DTNA: variants seen among roughly 807,000 people sequenced by gnomAD.
DTNA encodes dystrophin-related protein 3.
In DTNA, 43 loss-of-function variants were observed where a neutral mutation model predicts 100.7. The ratio of observed to expected loss-of-function variants is 0.43; its 90% CI spans 0.33 to 0.55. DTNA has a LOEUF of 0.55. Among genes scored for constraint, DTNA ranks in the 20% least tolerant of loss-of-function variants. DTNA has a pLI of 0.04. For missense variants in DTNA, 798 were observed against 953.9 expected, an observed-to-expected ratio of 0.84 and a Z score of 2.15; for synonymous variants, 349 against 347.9, an observed-to-expected ratio of 1.00 and a Z score of -0.04.
In DTNA at chr18:34,753,427, G is replaced by A. The variant is rs529859242; in HGVS notation, c.-1-2549G>A. On this transcript the variant is annotated intron_variant, in intron 1 of 22. Coordinates refer to ENST00000444659, the MANE Select transcript of DTNA (RefSeq NM_001386795.1). ...AGACGGAGTCTCGCTCTGTCGCCCAGGCTGGAGTGCAGTGGCGGGATCTCG... is the reference window on the plus strand; with the variant it reads ...AGACGGAGTCTCGCTCTGTCGCCCAAGCTGGAGTGCAGTGGCGGGATCTCG... 3.0e-5 allele frequency among the ~76,000 whole-genome samples: 4 copies of A among 134,550 alleles called. No homozygotes were observed. In the East Asian group the frequency reaches 8.0e-4, roughly 27 times the overall value. 88.3% of individuals were successfully genotyped at this position (134,550 alleles called of 152,430 possible). A position where few individuals can be genotyped will look rare whatever the true frequency, so the allele number is the denominator to read the frequency against.
chr18:34,731,355 T>C (rs8099436), intron 1 of DTNA, among the ~76,000 whole-genome samples: 1,786 of 152,058 alleles, frequency 0.012, 26 homozygotes, highest in African/African-American at 0.041. Flanking sequence ...GGCGGGCGCC[T>C]GTAGTCCCAG....
chr18:34,837,995 A>G, intron 11 of DTNA, 99 bp from the exon 12 acceptor site: 1 of 1,044,102 alleles, frequency 9.6e-7, no homozygotes, highest in Non-Finnish European at 1.5e-6. Flanking sequence ...TGTCTAAATG[A>G]AACTTGGATC....
chr18:34,886,164 A>G (rs2096919878), intron 22 of DTNA, among the ~76,000 whole-genome samples: 1 of 152,268 alleles, frequency 6.6e-6, no homozygotes, highest in South Asian at 2.1e-4. Context: ...GTGACATACT[A>G]ATTAGTAAAG....
intron 10 of DTNA, among the ~76,000 whole-genome samples, chr18:34,827,980 G>A (rs924015821): frequency 2.0e-5 from 3 of 152,114 alleles, no homozygotes; most frequent in East Asian, 1.9e-4. Context: ...AGGAAGTCAC[G>A]TTCATAGTCC....
At chr18:34,768,304 G>A (rs576666112) in intron 3 of DTNA, among the ~76,000 whole-genome samples, 3 of 140,396 alleles carry the variant, frequency 2.1e-5, no homozygotes, top group Admixed American at 7.2e-5. Flanking sequence ...AAGAAGGAAC[G>A]CCCCCCCAAA....
intron 1 of DTNA, among the ~76,000 whole-genome samples, chr18:34,651,785 C>A (rs751412390): frequency 6.6e-6 from 1 of 152,064 alleles, no homozygotes; most frequent in Non-Finnish European, 1.5e-5. Flanking sequence ...AGACCTGGGC[C>A]GAGCATGGTG....
chr18:34,838,887 G>C, intron 13 of DTNA, 50 bp downstream of exon 13: 3 of 1,539,518 alleles, frequency 1.9e-6, no homozygotes, highest in Non-Finnish European at 2.7e-6. Flanking sequence ...GATACAGTCT[G>C]AGCTGGTGAC....
intron 1 of DTNA, among the ~76,000 whole-genome samples, chr18:34,640,267 C>T (rs1454524996): frequency 6.6e-6 from 1 of 152,216 alleles, no homozygotes; most frequent in Non-Finnish European, 1.5e-5. Flanking sequence ...TGACTCCCTG[C>T]CTGCCTGTCC....
intron 11 of DTNA, among the ~76,000 whole-genome samples, chr18:34,835,087 A>G (rs1019576757): frequency 6.6e-6 from 1 of 152,096 alleles, no homozygotes; most frequent in Non-Finnish European, 1.5e-5. Flanking sequence ...TCTTGTTTTC[A>G]TCATGCATTT....
chr18:34,758,577 G>A (rs1231277456), intron 2 of DTNA, among the ~76,000 whole-genome samples: 2 of 152,170 alleles, frequency 1.3e-5, no homozygotes, highest in African/African-American at 4.8e-5. Flanking sequence ...TAAAAGTTAG[G>A]CTTCTACCCT....
chr18:34,815,215 AC>A (rs1397370682), intron 6 of DTNA, among the ~76,000 whole-genome samples: 6 of 152,294 alleles, frequency 3.9e-5, no homozygotes, highest in African/African-American at 1.4e-4. Flanking sequence ...TTTTATTTAT[AC>A]CATTACAGTA....
chr18:34,800,066 A>G (rs2095148817), intron 4 of DTNA, among the ~76,000 whole-genome samples: 2 of 152,260 alleles, frequency 1.3e-5, no homozygotes, highest in Admixed American at 1.3e-4. Context: ...CTAAATTCAA[A>G]GCATCACATA....
intron 17 of DTNA, chr18:34,868,707 T>C: frequency 1.0e-6 from 1 of 985,284 alleles, no homozygotes; most frequent in Non-Finnish European, 1.2e-6. Context: ...AATGCATGAA[T>C]TTATCCCTCT....
At chr18:34,838,674 T>C in intron 12 of DTNA, 71 bp from the exon 13 acceptor site, 1 of 1,355,682 alleles carries the variant, frequency 7.4e-7, no homozygotes, top group South Asian at 1.2e-5. Flanking sequence ...AAAAACTCAC[T>C]CCTACCTCCT....
intron 3 of DTNA, among the ~76,000 whole-genome samples, chr18:34,784,920 A>T (rs905849129): frequency 2.0e-5 from 3 of 151,304 alleles, no homozygotes; most frequent in African/African-American, 7.3e-5. Flanking sequence ...GCAACTAGTG[A>T]TACACTGAAA....
intron 1 of DTNA, among the ~76,000 whole-genome samples, chr18:34,689,880 G>A (rs1363439566): frequency 1.3e-5 from 2 of 152,202 alleles, no homozygotes; most frequent in Non-Finnish European, 2.9e-5. Flanking sequence ...TCTGGCTACA[G>A]TGGCTTTGAG....
rs1264187426 is a variant in DTNA at position 34,844,443 on chromosome 18, GC to G, written c.1347-3852del. Among the ~76,000 whole-genome samples, 7 of 152,078 alleles carry G rather than the reference GC, an allele frequency of 4.6e-5. 1 individual carries two copies. The Middle Eastern group carries it at 0.014, about 296-fold the overall frequency. The stretch of plus-strand genomic sequence containing the variant: ...TTCCTTTCTACCCTGACTCTCTTGA[GC>G]TCACTGACTTCTAAATGCCAAAAAA... On this transcript the variant is annotated intron_variant, in intron 13 of 22. Coordinates refer to ENST00000444659, the MANE Select transcript of DTNA (RefSeq NM_001386795.1).
chr18:34,542,872 G>T (rs1458352918), intron 1 of DTNA, among the ~76,000 whole-genome samples: 1 of 143,572 alleles, frequency 7.0e-6, no homozygotes, highest in Non-Finnish European at 1.5e-5. Flanking sequence ...ACTTTAAAAA[G>T]CAACTACATT....
intron 1 of DTNA, among the ~76,000 whole-genome samples, chr18:34,509,775 C>T (rs931426446): frequency 2.0e-5 from 3 of 151,910 alleles, no homozygotes; most frequent in Non-Finnish European, 2.9e-5. Context: ...CTGTTTGATG[C>T]CTTCCTTACT....
Sources: allele counts gnomAD v4.1 joint callset (sites outside exome capture counted in the v4.1 genomes callset), GRCh38; gene constraint gnomAD v4.1.1; transcripts MANE v1.5; gene names NCBI Gene and HGNC (gene_info 2026-07-23, HGNC 2026-07-21).